CCDC13: variants seen among roughly 807,000 people sequenced by gnomAD.
The protein encoded by CCDC13 is coiled-coil domain-containing protein 13.
In CCDC13, 70 loss-of-function variants were observed where a neutral mutation model predicts 87.3. The observed-to-expected ratio is 0.80, with a 90% CI of 0.66 to 0.98. CCDC13 has a LOEUF of 0.98. CCDC13 is among the 50% of genes least tolerant of loss of function. The probability of loss-of-function intolerance (pLI) is 0.00; values close to 1 mark genes in which losing one functional copy is unlikely to be tolerated. For missense variants in CCDC13, 842 were observed against 892.0 expected (o/e 0.94, Z 0.71); for synonymous variants, 317 against 360.3 (o/e 0.88, Z 1.36).
At chr3:42,730,997 C>T (rs1476689956) in intron 12 of CCDC13, among the ~76,000 whole-genome samples, 3 of 152,144 alleles carry the variant, frequency 2.0e-5, no homozygotes, top group Non-Finnish European at 2.9e-5. Context: ...TCCCAGCCCT[C>T]CTGCATCTTC....
intron 9 of CCDC13, among the ~76,000 whole-genome samples, chr3:42,739,422 C>T (rs907106946): frequency 1.3e-5 from 2 of 152,210 alleles, no homozygotes; most frequent in African/African-American, 4.8e-5. Flanking sequence ...GCTGCTCCAT[C>T]ACAGCCCCCT....
intron 14 of CCDC13, among the ~76,000 whole-genome samples, chr3:42,710,280 T>G (rs547902098): frequency 1.4e-4 from 22 of 151,974 alleles, no homozygotes; most frequent in Non-Finnish European, 2.8e-4. Flanking sequence ...ATTATTGTAT[T>G]TTTTGCAGAG....
intron 9 of CCDC13, among the ~76,000 whole-genome samples, chr3:42,738,070 C>A (rs1699086476): frequency 6.6e-6 from 1 of 152,170 alleles, no homozygotes; most frequent in Non-Finnish European, 1.5e-5. Context: ...TTTAATCCAT[C>A]TTGAATTAAT....
At chr3:42,756,417 T>G (rs1169570568) in intron 3 of CCDC13, among the ~76,000 whole-genome samples, 1 of 152,076 alleles carries the variant, frequency 6.6e-6, no homozygotes, top group Non-Finnish European at 1.5e-5. Flanking sequence ...GGGGCCACCA[T>G]GAGGTCTCCA....
intron 13 of CCDC13, among the ~76,000 whole-genome samples, chr3:42,728,169 G>C (rs1157090709): frequency 5.3e-5 from 8 of 152,260 alleles, no homozygotes. Flanking sequence ...CTGGATACAA[G>C]ACTTGAGGAA....
At chr3:42,719,918 G>A (rs939904506) in intron 13 of CCDC13, among the ~76,000 whole-genome samples, 2 of 152,174 alleles carry the variant, frequency 1.3e-5, no homozygotes, top group South Asian at 2.1e-4. Context: ...AAAGCATAAT[G>A]TCTTTTAGTT....
chr3:42,733,898 G>A (rs1289461043), intron 10 of CCDC13, among the ~76,000 whole-genome samples: 1 of 152,188 alleles, frequency 6.6e-6, no homozygotes, highest in Non-Finnish European at 1.5e-5. Context: ...ATGCGGGGCA[G>A]GTCAGAGACT....
intron 2 of CCDC13, among the ~76,000 whole-genome samples, 169 bp downstream of exon 2, chr3:42,757,956 C>T (rs971073329): frequency 1.3e-5 from 2 of 152,016 alleles, no homozygotes; most frequent in African/African-American, 4.8e-5. Flanking sequence ...AATGGATTGA[C>T]CACAGAAGCT....
chr3:42,727,111 C>A (rs543082874), intron 13 of CCDC13, among the ~76,000 whole-genome samples: 2 of 152,298 alleles, frequency 1.3e-5, no homozygotes, highest in South Asian at 4.1e-4. Flanking sequence ...GTGGCTCATG[C>A]CCTTACTCCC....
At chr3:42,728,480 G>T (rs755132658) in intron 13 of CCDC13, among the ~76,000 whole-genome samples, 3 of 151,534 alleles carry the variant, frequency 2.0e-5, no homozygotes, top group African/African-American at 2.4e-5. Context: ...CGAAGGTCCT[G>T]TACTTTGGGA....
At chr3:42,725,992 T>C (rs1360777980) in intron 13 of CCDC13, among the ~76,000 whole-genome samples, 2 of 152,100 alleles carry the variant, frequency 1.3e-5, no homozygotes, top group African/African-American at 4.8e-5. Flanking sequence ...AAGGCAAAAA[T>C]TGTAATGAAA....
Position 42,742,933 on chromosome 3 carries a change from A to G in CCDC13, c.950T>C (p.Ile317Thr), listed in dbSNP as rs137872491. The G allele has an allele frequency of 6.2e-7, 1 of 1,613,984 alleles. No homozygotes were observed. Among genetic ancestry groups the G allele is most frequent in the Non-Finnish European group, 8.5e-7 (1 of 1,179,982 alleles). ...CTGTTTTTCCCTTTCCAGGCTGCGG[A>G]TCCTCAGCAGGTTTTTCTCCTGTGC... ...LSAQEKNLLR[I>T]RSLEREKQEG... The change falls in exon 8 of 16, where the codon ATC (isoleucine) becomes ACC (threonine). Residue 317 changes from isoleucine (I) to threonine (T), a missense_variant. Transcript: ENST00000310232.
At chr3:42,720,561 A>C (rs999766873) in intron 13 of CCDC13, among the ~76,000 whole-genome samples, 1 of 152,248 alleles carries the variant, frequency 6.6e-6, no homozygotes, top group Non-Finnish European at 1.5e-5. Flanking sequence ...CTGAAGAAAC[A>C]GTTTTACATG....
At chr3:42,765,257 G>A (rs545643337) in intron 1 of CCDC13, among the ~76,000 whole-genome samples, 9 of 152,278 alleles carry the variant, frequency 5.9e-5, no homozygotes, top group Middle Eastern at 3.4e-3. Flanking sequence ...TTGGCCCAAC[G>A]GAGCCTCTGG....
intron 4 of CCDC13, 48 bp from the exon 5 acceptor site, chr3:42,752,073 G>C (rs1343358615): frequency 7.2e-6 from 11 of 1,538,316 alleles, no homozygotes; most frequent in Admixed American, 1.7e-5. Context: ...CGATTGTGCA[G>C]CCCAAGGAAA....
intron 3 of CCDC13, among the ~76,000 whole-genome samples, chr3:42,755,383 C>A (rs542885967): frequency 6.6e-6 from 1 of 152,098 alleles, no homozygotes; most frequent in Non-Finnish European, 1.5e-5. Context: ...CCGAGGCGGG[C>A]AGATCACAAG....
chr3:42,717,697 T>A (rs756697647), intron 13 of CCDC13, among the ~76,000 whole-genome samples: 76 of 152,334 alleles, frequency 5.0e-4, no homozygotes, highest in South Asian at 6.2e-4. Flanking sequence ...TTTCTGTAGG[T>A]TAGAAGTCCA....
chr3:42,735,183 G>A (rs980922720), intron 10 of CCDC13, among the ~76,000 whole-genome samples: 1 of 152,258 alleles, frequency 6.6e-6, no homozygotes, highest in African/African-American at 2.4e-5. Flanking sequence ...CGAGGCCGTG[G>A]GGGAGGAGGG....
intron 1 of CCDC13, among the ~76,000 whole-genome samples, chr3:42,760,119 C>A (rs1268733132): frequency 6.6e-6 from 1 of 152,010 alleles, no homozygotes; most frequent in Middle Eastern, 3.4e-3. Flanking sequence ...TGATGAAACC[C>A]CATCTCTACT....
Sources: allele counts gnomAD v4.1 joint callset (sites outside exome capture counted in the v4.1 genomes callset), GRCh38; gene constraint gnomAD v4.1.1; transcripts MANE v1.5; gene names NCBI Gene and HGNC (gene_info 2026-07-23, HGNC 2026-07-21).